SKIC3: variants seen among roughly 807,000 people sequenced by gnomAD.
The protein encoded by SKIC3 is superkiller complex protein 3.
chr5:95,466,828 C>T, the SKIC3 span, among the ~76,000 whole-genome samples: 1 of 152,136 alleles, frequency 6.6e-6, no homozygotes, highest in Non-Finnish European at 1.5e-5. Context: ...GGGAAAAACT[C>T]TTGATTCATT....
the SKIC3 span, chr5:95,484,832 T>C: frequency 6.2e-7 from 1 of 1,613,958 alleles, no homozygotes; most frequent in African/African-American, 1.3e-5. Context: ...TTTCAAAGAA[T>C]TTTTCGTCTT....
At chr5:95,547,751 C>A in the SKIC3 span, among the ~76,000 whole-genome samples, 1 of 152,054 alleles carries the variant, frequency 6.6e-6, no homozygotes, top group African/African-American at 2.4e-5. Context: ...AAAGCTAGAT[C>A]CAGTAGAATA....
chr5:95,533,428 C>A, the SKIC3 span, among the ~76,000 whole-genome samples: 1 of 152,046 alleles, frequency 6.6e-6, no homozygotes, highest in East Asian at 1.9e-4. Flanking sequence ...CACTGAAAGT[C>A]GGGTTTAGAG....
At chr5:95,510,050 A>T in the SKIC3 span, among the ~76,000 whole-genome samples, 12 of 152,288 alleles carry the variant, frequency 7.9e-5, no homozygotes, top group African/African-American at 2.9e-4. Context: ...TTTAGCAATA[A>T]TTTCTCTTGG....
At chr5:95,551,152 G>T in the SKIC3 span, among the ~76,000 whole-genome samples, 1 of 152,040 alleles carries the variant, frequency 6.6e-6, no homozygotes, top group African/African-American at 2.4e-5. Flanking sequence ...TGAAAACAGA[G>T]AAATTTTTTT....
chr5:95,469,133 C>T, the SKIC3 span, among the ~76,000 whole-genome samples: 4 of 152,070 alleles, frequency 2.6e-5, no homozygotes, highest in Non-Finnish European at 5.9e-5. Flanking sequence ...CTTACAGATG[C>T]TTTGTATTAT....
At chr5:95,523,471 A>G in the SKIC3 span, 3 of 1,175,688 alleles carry the variant, frequency 2.6e-6, no homozygotes, top group Non-Finnish European at 3.5e-6. Context: ...AGTTTCAACA[A>G]TAAGTGGTTA....
chr5:95,494,078 A>T, the SKIC3 span, among the ~76,000 whole-genome samples: 2 of 152,182 alleles, frequency 1.3e-5, no homozygotes, highest in Non-Finnish European at 2.9e-5. Context: ...TATGTTAAAT[A>T]ATTTAGTAAC....
the SKIC3 span, among the ~76,000 whole-genome samples, chr5:95,465,929 G>C: frequency 2.6e-4 from 40 of 152,192 alleles, no homozygotes; most frequent in African/African-American, 9.4e-4. Flanking sequence ...AGAAATGCAA[G>C]AGATCCACGG....
At chr5:95,540,561 T>C in the SKIC3 span, 5 of 1,201,880 alleles carry the variant, frequency 4.2e-6, no homozygotes, top group Admixed American at 9.7e-5. Context: ...AATGAACACA[T>C]GAAAAGATGT....
the SKIC3 span, chr5:95,536,895 C>A: frequency 6.2e-7 from 1 of 1,613,510 alleles, no homozygotes; most frequent in South Asian, 1.1e-5. Context: ...CCTTCACAGG[C>A]CTTCTTCAAT....
the SKIC3 span, chr5:95,503,096 G>T: frequency 7.1e-7 from 1 of 1,406,238 alleles, no homozygotes; most frequent in Admixed American, 1.8e-5. Context: ...TTTTAGAAAG[G>T]TCTAAATACA....
At chr5:95,542,731 GT>G in the SKIC3 span, among the ~76,000 whole-genome samples, 4 of 152,136 alleles carry the variant, frequency 2.6e-5, no homozygotes, top group African/African-American at 9.7e-5. Flanking sequence ...GTTATTAAAT[GT>G]GAAAAAGTTG....
At chr5:95,469,001 T>C in the SKIC3 span, among the ~76,000 whole-genome samples, 1 of 152,264 alleles carries the variant, frequency 6.6e-6, no homozygotes, top group East Asian at 1.9e-4. Context: ...AGCCATATGG[T>C]CTTAATCTTC....
chr5:95,484,872 T>C, the SKIC3 span: 10 of 1,610,958 alleles, frequency 6.2e-6, no homozygotes, highest in African/African-American at 1.2e-4. Flanking sequence ...TCAATGTTAC[T>C]TTCTTCTGCA....
the SKIC3 span, among the ~76,000 whole-genome samples, chr5:95,475,604 C>T: frequency 3.3e-5 from 5 of 152,284 alleles, no homozygotes; most frequent in Non-Finnish European, 5.9e-5. Flanking sequence ...ATGACCCTAT[C>T]TCAGGTATTT....
chr5:95,518,229 T>C, the SKIC3 span, among the ~76,000 whole-genome samples: 1 of 152,258 alleles, frequency 6.6e-6, no homozygotes, highest in South Asian at 2.1e-4. Flanking sequence ...TACAGAGATG[T>C]TTTGATACAT....
the SKIC3 span, chr5:95,490,991 T>A: frequency 6.2e-7 from 1 of 1,614,098 alleles, no homozygotes; most frequent in Non-Finnish European, 8.5e-7. Context: ...CAGTTTATCA[T>A]CAGCGTGACA....
chr5:95,524,976 C>G, the SKIC3 span, among the ~76,000 whole-genome samples: 29 of 151,912 alleles, frequency 1.9e-4, no homozygotes, highest in Non-Finnish European at 4.0e-4. Flanking sequence ...CTCCACCCCC[C>G]AGGTTCAAGC....
Sources: gnomAD v4.1 joint callset for allele counts (sites outside exome capture counted in the v4.1 genomes callset) on GRCh38, gnomAD v4.1.1 for gene constraint, MANE v1.5 for transcripts, NCBI Gene and HGNC (gene_info 2026-07-23, HGNC 2026-07-21) for gene names.